ECHDC1: variants seen among roughly 807,000 people sequenced by gnomAD.
ECHDC1 encodes ethylmalonyl-CoA decarboxylase.
ECHDC1 carries 29 observed loss-of-function variants against 29.7 expected under a neutral mutation model. That is an observed-to-expected ratio of 0.98 (90% CI 0.73 to 1.33). ECHDC1 has a LOEUF of 1.33. Ranked by LOEUF, ECHDC1 falls within the 40% of genes most tolerant of loss-of-function variation. ECHDC1 has a pLI of 0.00. For missense variants in ECHDC1, 328 were observed against 350.0 expected (o/e 0.94, Z 0.50); for synonymous variants, 126 against 123.1 (o/e 1.02, Z -0.15).
chr6:127,330,752 T>A, intron 2 of ECHDC1, 57 bp downstream of exon 2: 1 of 1,462,152 alleles, frequency 6.8e-7, no homozygotes, highest in Non-Finnish European at 9.4e-7. Flanking sequence ...ATAAAAAAAC[T>A]TGTGATAACA....
chr6:127,301,233 T>G (rs1306951246), intron 5 of ECHDC1, among the ~76,000 whole-genome samples: 1 of 152,230 alleles, frequency 6.6e-6, no homozygotes, highest in Non-Finnish European at 1.5e-5. Context: ...TACGTATACA[T>G]TACATCTATT....
chr6:127,293,045 T>C (rs1314213561), intron 5 of ECHDC1, among the ~76,000 whole-genome samples: 1 of 152,114 alleles, frequency 6.6e-6, no homozygotes, highest in Non-Finnish European at 1.5e-5. Context: ...TACTACTGTC[T>C]GGATGAAACA....
intron 2 of ECHDC1, among the ~76,000 whole-genome samples, chr6:127,329,559 T>C (rs900942851): frequency 4.6e-5 from 7 of 152,206 alleles, no homozygotes; most frequent in Non-Finnish European, 2.9e-5. Flanking sequence ...AGGTAGTCAC[T>C]AGTCACCTGT....
At chr6:127,330,692 GTT>G (rs1783843502) in intron 2 of ECHDC1, 115 bp downstream of exon 2, 1 of 768,268 alleles carries the variant, frequency 1.3e-6, no homozygotes, top group African/African-American at 1.8e-5. Context: ...TTTTTCTCAT[GTT>G]CTACCAAGAG....
intron 5 of ECHDC1, among the ~76,000 whole-genome samples, chr6:127,293,653 C>T (rs577832539): frequency 1.8e-4 from 28 of 152,114 alleles, no homozygotes; most frequent in Non-Finnish European, 2.8e-4. Flanking sequence ...GAAATTGCCT[C>T]AAACACATCT....
chr6:127,310,295 T>G (rs999694617), intron 5 of ECHDC1, among the ~76,000 whole-genome samples: 7 of 152,162 alleles, frequency 4.6e-5, no homozygotes, highest in African/African-American at 1.7e-4. Context: ...GAAACCCCAT[T>G]TTCCATAATG....
chr6:127,300,267 G>C (rs1051052928), intron 5 of ECHDC1, among the ~76,000 whole-genome samples: 1 of 152,140 alleles, frequency 6.6e-6, no homozygotes, highest in Non-Finnish European at 1.5e-5. Flanking sequence ...AAATATAAAA[G>C]TTAGCAACAA....
At chr6:127,308,973 A>G (rs1781662408) in intron 5 of ECHDC1, among the ~76,000 whole-genome samples, 1 of 152,234 alleles carries the variant, frequency 6.6e-6, no homozygotes, top group Non-Finnish European at 1.5e-5. Context: ...AAAAATGAAA[A>G]GATATCCCAT....
chr6:127,299,049 T>TTA (rs1554237231), intron 5 of ECHDC1, among the ~76,000 whole-genome samples: 1 of 151,316 alleles, frequency 6.6e-6, no homozygotes, highest in Non-Finnish European at 1.5e-5. Context: ...CTATTTTTTT[T>TTA]ATTTTTTGTG....
rs112563409 is a variant in ECHDC1, at chr6:127,293,192, G to C, written c.498-2915C>G. 1.1e-4 allele frequency among the ~76,000 whole-genome samples: 17 copies of C among 152,072 alleles called. 1 individual carries two copies. Among genetic ancestry groups the C allele is most frequent in the African/African-American group, 4.1e-4 (17 of 41,514 alleles). ...TTGATGAGTTAACTCTTAAGTTTCA[G>C]GTCTTGAACAAATGTATTCAAGAAC... On this transcript the variant is annotated intron_variant, in intron 5 of 5. Transcript: ENST00000454859.
chr6:127,342,293 G>A, intron 1 of ECHDC1: 2 of 1,497,940 alleles, frequency 1.3e-6, no homozygotes, highest in Non-Finnish European at 1.8e-6. Flanking sequence ...ACTAAACAGG[G>A]GCTTAAGAAT....
At chr6:127,296,649 A>T (rs927646874) in intron 5 of ECHDC1, among the ~76,000 whole-genome samples, 2 of 152,210 alleles carry the variant, frequency 1.3e-5, no homozygotes, top group African/African-American at 4.8e-5. Context: ...GCAAAATATG[A>T]ATAAATAATT....
At chr6:127,311,500 C>G in intron 5 of ECHDC1, among the ~76,000 whole-genome samples, 1 of 151,170 alleles carries the variant, frequency 6.6e-6, no homozygotes, top group Admixed American at 6.6e-5. Context: ...CATGGTGAAA[C>G]CCCATCTCTA....
intron 4 of ECHDC1, chr6:127,316,044 A>G (rs1031393346): frequency 4.2e-6 from 2 of 470,834 alleles, no homozygotes; most frequent in East Asian, 6.9e-5. Flanking sequence ...TCTTTTTCTC[A>G]TCTCCTCTGG....
At position 127,335,882 on chromosome 6, in the gene ECHDC1, C is replaced by T. The variant is rs554897143; in HGVS notation, c.-2-4852G>A. Among the ~76,000 whole-genome samples the T allele has an allele frequency of 1.8e-4, 27 of 152,122 alleles. 1 individual carries two copies. The South Asian group carries it at 5.6e-3, about 32-fold the overall frequency. ...CTTTTCCAAAACTCATACAGTATAA[C>T]TTATGAGACATCCTTCCATCCCATC... is the stretch of plus-strand genomic sequence containing the variant. On this transcript the variant is annotated intron_variant, in intron 1 of 5. Transcript: ENST00000454859.
At chr6:127,316,006 A>C in intron 4 of ECHDC1, 2 of 470,750 alleles carry the variant, frequency 4.2e-6, no homozygotes, top group Middle Eastern at 3.3e-4. Context: ...ATTCCTCAGA[A>C]AGCTGTAAAA....
chr6:127,331,917 C>A, intron 1 of ECHDC1: 2 of 976,104 alleles, frequency 2.0e-6, no homozygotes, highest in South Asian at 9.5e-5. Context: ...TTTTTCTGTT[C>A]CCCAAGGTTC....
chr6:127,322,275 C>A (rs1933148025), intron 3 of ECHDC1, among the ~76,000 whole-genome samples: 1 of 152,142 alleles, frequency 6.6e-6, no homozygotes, highest in Admixed American at 6.6e-5. Context: ...CCACTGCACT[C>A]CAGCCTGGGT....
In ECHDC1 at chr6:127,339,774, CA is replaced by C. The variant is rs10588955; in HGVS notation, c.-3+3561del. 3.2e-3 allele frequency among the ~76,000 whole-genome samples: 422 copies of C among 130,226 alleles called. 1 individual carries two copies. The highest frequency in any genetic ancestry group is 0.011 in the South Asian group (44 of 4,064). 85.4% of individuals were successfully genotyped at this position (130,226 alleles called of 152,430 possible). A position where few individuals can be genotyped will look rare whatever the true frequency, so the allele number is the denominator to read the frequency against. On this transcript the variant is annotated intron_variant, in intron 1 of 5. Transcript: ENST00000454859. ...GGTGACAGAGCGAGAGACTCTGTCT[CA>C]AAAAAAAAAAAAAAGAAAGAAAGAA...
Sources: gnomAD v4.1 joint callset for allele counts (sites outside exome capture counted in the v4.1 genomes callset) on GRCh38, gnomAD v4.1.1 for gene constraint, MANE v1.5 for transcripts, NCBI Gene and HGNC (gene_info 2026-07-23, HGNC 2026-07-21) for gene names.